Variants in STEAP4 observed in about 807,000 individuals in gnomAD.
The protein encoded by STEAP4 is STEAP4 metalloreductase.
STEAP4 carries 36 observed loss-of-function variants against 43.6 expected under a neutral mutation model. The ratio of observed to expected loss-of-function variants is 0.83; its 90% CI spans 0.63 to 1.09. The LOEUF (loss-of-function observed/expected upper bound fraction) is 1.09, where lower values mean the gene tolerates loss of function less well. Ranked by LOEUF, STEAP4 falls within the 50% of genes least tolerant of loss-of-function variation. The probability of loss-of-function intolerance (pLI) is 0.00; values close to 1 mark genes in which losing one functional copy is unlikely to be tolerated. For synonymous variants in STEAP4, 191 were observed against 196.7 expected (o/e 0.97, Z 0.24); for missense variants, 495 against 546.5 (o/e 0.91, Z 0.94).
chr7:88,285,989 C>T (rs892091303), intron 1 of STEAP4, among the ~76,000 whole-genome samples: 10 of 152,054 alleles, frequency 6.6e-5, no homozygotes, highest in African/African-American at 1.9e-4. Flanking sequence ...CATTTCAGCT[C>T]TTTATGAGAG....
intron 1 of STEAP4, among the ~76,000 whole-genome samples, chr7:88,301,732 C>T (rs768164172): frequency 3.3e-5 from 5 of 152,198 alleles, no homozygotes; most frequent in South Asian, 2.1e-4. Context: ...TGCACCACCA[C>T]GCCCAGCTAA....
At chr7:88,288,904 C>A (rs963347419) in intron 1 of STEAP4, among the ~76,000 whole-genome samples, 2 of 152,042 alleles carry the variant, frequency 1.3e-5, no homozygotes, top group African/African-American at 4.8e-5. Flanking sequence ...AAAAAACAAA[C>A]CAGTTTGTAT....
rs777525378 is a variant in STEAP4 at position 88,283,819 on chromosome 7, G to C, written c.451C>G (p.Arg151Gly). 2 of 1,609,656 alleles carry C rather than the reference G, an allele frequency of 1.2e-6. No homozygotes were observed. Among genetic ancestry groups the C allele is most frequent in the Non-Finnish European group, 1.7e-6 (2 of 1,176,994 alleles). The change falls in exon 2 of 5, where the codon CGG becomes GGG. Residue 151 changes from arginine (R) to glycine (G), a missense_variant. Transcript: ENST00000380079. ...ALQSGALDAS[R>G]QVFVCGNDSK... is the part of the protein sequence containing the mutation. ...GTAAATTTGTTTATTCTTACCTGCC[G>C]ACTTGCATCCAGTGCTCCTGACTGG...
Position 88,282,887 on chromosome 7 carries a change from G to T in STEAP4, c.738C>A (p.Ile246=). 2 of 1,614,172 alleles carry T rather than the reference G, an allele frequency of 1.2e-6. No individual in the cohort carries two copies. Among genetic ancestry groups the T allele is most frequent in the Non-Finnish European group, 1.7e-6 (2 of 1,180,038 alleles). The change falls in exon 3 of 5, where the codon ATC becomes ATA. Residue 246 remains isoleucine, a synonymous_variant. Transcript: ENST00000380079. ...FRMAISIPNR[I]FPITALTLLA... ...GCAGTGTAAGTGCTGTTATTGGAAA[G>T]ATACGATTTGGAATGGAAATAGCCA...
chr7:88,301,091 T>C lies in STEAP4; in HGVS notation c.-3+5701A>G, dbSNP rs867360603. ...ATTCAGACACACCTCAGAACTAGGG[T>C]AAGTGCAGTTTAGGATCTCAACTAT... On this transcript the variant is annotated intron_variant, in intron 1 of 4. Coordinates refer to ENST00000380079, the MANE Select transcript of STEAP4 (RefSeq NM_024636.4). 2.6e-5 allele frequency among the ~76,000 whole-genome samples: 4 copies of C among 152,250 alleles called. No homozygotes were observed. In the South Asian group the frequency reaches 8.3e-4, roughly 32 times the overall value.
rs1431748257 is a variant in STEAP4 at position 88,280,970 on chromosome 7, G to C, written c.1094C>G (p.Thr365Ser). Residue 365 changes from threonine (T) to serine (S), a missense_variant, in exon 4 of 5, where the codon ACT (threonine) becomes AGT (serine). Coordinates refer to ENST00000380079, the MANE Select transcript of STEAP4 (RefSeq NM_024636.4). ...TGCATTGCTAACAGATGGCAAAGAA[G>C]TGATTCCCAAGAGTACAAACAGAAA... ...GFFLFVLLGITSLPSVSNAVN... is the reference protein window; with the variant it reads ...GFFLFVLLGISSLPSVSNAVN... 6.2e-7 allele frequency: 1 copy of C among 1,612,816 alleles called. No individual in the cohort carries two copies.
rs1852650758 is a variant in STEAP4 at position 88,282,949 on chromosome 7, G to T, written c.676C>A (p.Pro226Thr). The T allele has an allele frequency of 6.2e-7, 1 of 1,613,886 alleles. No homozygotes were observed. The highest frequency in any genetic ancestry group is 8.5e-7 in the Non-Finnish European group (1 of 1,179,888). The change falls in exon 3 of 5, where the codon CCT (proline) becomes ACT (threonine). Residue 226 changes from proline to threonine, a missense_variant. Transcript: ENST00000380079. ...FYCVIRDVIY[P>T]YVYEKKDNTF... The stretch of plus-strand genomic sequence containing the variant: ...TTATCTTTCTTTTCATAAACATAAG[G>T]GTAGATTACGTCTCTTATAACACAA...
intron 1 of STEAP4, among the ~76,000 whole-genome samples, chr7:88,296,180 C>G (rs1453826309): frequency 6.6e-6 from 1 of 152,172 alleles, no homozygotes; most frequent in Non-Finnish European, 1.5e-5. Context: ...GCAACTATCA[C>G]ATAGTACAGC....
chr7:88,285,918 T>A (rs967032585), intron 1 of STEAP4, among the ~76,000 whole-genome samples: 3 of 152,140 alleles, frequency 2.0e-5, no homozygotes, highest in African/African-American at 7.2e-5. Context: ...AATGTTGTAA[T>A]GACCCAACAG....
At chr7:88,305,255 C>A (rs1853109491) in intron 1 of STEAP4, among the ~76,000 whole-genome samples, 1 of 152,170 alleles carries the variant, frequency 6.6e-6, no homozygotes, top group African/African-American at 2.4e-5. Context: ...GTACCATTTA[C>A]TTTACAGCCT....
At chr7:88,293,193 T>C (rs1852866974) in intron 1 of STEAP4, among the ~76,000 whole-genome samples, 1 of 152,236 alleles carries the variant, frequency 6.6e-6, no homozygotes, top group African/African-American at 2.4e-5. Flanking sequence ...AAATTTGCAT[T>C]TGTTTAATGG....
rs1449155950 is a variant in STEAP4, at chr7:88,306,791, C to T, written c.-3+1G>A. Reference sequence around the variant, plus strand: ...GAGCCTTGTGGCGAAAAGTGACCCACCTGAGGGAGAGGCGCTTCCAAGGAG... The same window carrying T: ...GAGCCTTGTGGCGAAAAGTGACCCATCTGAGGGAGAGGCGCTTCCAAGGAG... On this transcript the variant is annotated splice_donor_variant, in intron 1 of 4. Coordinates refer to ENST00000380079, the MANE Select transcript of STEAP4 (RefSeq NM_024636.4). LOFTEE classifies it low-confidence loss of function (5UTR_SPLICE). 1 of 152,320 alleles carries T rather than the reference C, an allele frequency of 6.6e-6. No individual in the cohort carries two copies. Among genetic ancestry groups the T allele is most frequent in the Non-Finnish European group, 1.5e-5 (1 of 68,136 alleles). The allele number at this position is 152,320 out of a possible 1,614,324, so 9.4% of individuals were successfully genotyped here. A position where few individuals can be genotyped will look rare whatever the true frequency, so the allele number is the denominator to read the frequency against.
chr7:88,296,149 A>C (rs940496360), intron 1 of STEAP4, among the ~76,000 whole-genome samples: 1 of 152,284 alleles, frequency 6.6e-6, no homozygotes, highest in Non-Finnish European at 1.5e-5. Context: ...CTACTTATAC[A>C]TCTACTCGGT....
rs545940897 is a variant in STEAP4, at chr7:88,274,894, A to T, written c.*4504T>A. Reference sequence around the variant, plus strand: ...GCTGCTAATATATTATAATTAGCATATAATGAACAGCTGAGACAGCCAAAG... The same window carrying T: ...GCTGCTAATATATTATAATTAGCATTTAATGAACAGCTGAGACAGCCAAAG... On this transcript the variant is annotated 3_prime_UTR_variant, in exon 5 of 5. Coordinates refer to ENST00000380079, the MANE Select transcript of STEAP4 (RefSeq NM_024636.4). 1 of 152,174 alleles carries T rather than the reference A, an allele frequency of 6.6e-6. No homozygotes were observed. Among genetic ancestry groups the T allele is most frequent in the Admixed American group, 6.5e-5 (1 of 15,278 alleles). 9.4% of individuals were successfully genotyped at this position (152,174 alleles called of 1,614,324 possible).
chr7:88,284,160 T>C lies in STEAP4; in HGVS notation c.110A>G (p.Lys37Arg), dbSNP rs1271529914. ...AACAGAATAACCACACTGGAGCATT[T>C]TCAATCCCAGTGATCTTCCAAAATC... ...TGDFGRSLGLKMLQCGYSVVF... is the reference protein window; with the variant it reads ...TGDFGRSLGLRMLQCGYSVVF... The change falls in exon 2 of 5, where the codon AAA becomes AGA. Residue 37 changes from lysine (K) to arginine (R), a missense_variant. Coordinates refer to ENST00000380079, the MANE Select transcript of STEAP4 (RefSeq NM_024636.4). 6.2e-7 allele frequency: 1 copy of C among 1,614,120 alleles called. No individual in the cohort carries two copies. Among genetic ancestry groups the C allele is most frequent in the East Asian group, 2.2e-5 (1 of 44,882 alleles).
chr7:88,305,969 A>G (rs767132857), intron 1 of STEAP4, among the ~76,000 whole-genome samples: 12 of 152,162 alleles, frequency 7.9e-5, no homozygotes, highest in Non-Finnish European at 1.6e-4. Context: ...CCCAGGTTCA[A>G]GTGATTTTCC....
chr7:88,286,288 T>C (rs551765550), intron 1 of STEAP4, among the ~76,000 whole-genome samples: 45 of 152,334 alleles, frequency 3.0e-4, no homozygotes, highest in African/African-American at 1.1e-3. Context: ...AGAAATCTTA[T>C]ACAATTTTAT....
At position 88,274,185 on chromosome 7, in the gene STEAP4, C is replaced by A. The variant is rs1236060313; in HGVS notation, c.*5213G>T. On this transcript the variant is annotated 3_prime_UTR_variant, in exon 5 of 5. Transcript: ENST00000380079. ...CTGAGATTTCAAAGCTCAGTTTCCT[C>A]TTCTGATAAATAAGGATAAGAAGAG... 1 of 152,200 alleles carries A rather than the reference C, an allele frequency of 6.6e-6. No homozygotes were observed. The highest frequency in any genetic ancestry group is 1.5e-5 in the Non-Finnish European group (1 of 68,042). The allele number at this position is 152,200 out of a possible 1,614,324, so 9.4% of individuals were successfully genotyped here.
Position 88,281,075 on chromosome 7 carries a change from A to G in STEAP4, c.989T>C (p.Ile330Thr). The G allele has an allele frequency of 6.4e-7, 1 of 1,569,902 alleles. No homozygotes were observed. The highest frequency in any genetic ancestry group is 8.6e-7 in the Non-Finnish European group (1 of 1,163,300). The change falls in exon 4 of 5, where the codon ATA (isoleucine) becomes ACA (threonine). Residue 330 changes from isoleucine to threonine, a missense_variant. Physicochemically the swap from Ile to Thr is moderately conservative, Grantham distance 89. Coordinates refer to ENST00000380079, the MANE Select transcript of STEAP4 (RefSeq NM_024636.4). ...RLGNLTVTQA[I>T]LKKENPFSTS... ...GCTAAATGGATTCTCCTTCTTGAGT[A>G]TTGCCTAAGAAAAATTATAAGCAAT...
Sources: allele counts gnomAD v4.1 joint callset (sites outside exome capture counted in the v4.1 genomes callset), GRCh38; gene constraint gnomAD v4.1.1; transcripts MANE v1.5; gene names NCBI Gene and HGNC (gene_info 2026-07-23, HGNC 2026-07-21).